Variants in PXDNL observed in about 807,000 individuals in gnomAD.
PXDNL encodes probable oxidoreductase PXDNL.
PXDNL carries 145 observed loss-of-function variants against 150.8 expected under a neutral mutation model. That is an observed-to-expected ratio of 0.96 (90% confidence interval 0.84 to 1.10). The LOEUF is 1.10. Among genes scored for constraint, PXDNL ranks in the 50% least tolerant of loss-of-function variants. The pLI is 0.00. For missense variants in PXDNL, 2,087 were observed against 1,873.9 expected, an observed-to-expected ratio of 1.11 and a Z score of -2.10; for synonymous variants, 757 against 725.7, an observed-to-expected ratio of 1.04 and a Z score of -0.69.
At chr8:51,486,788 A>T (rs1438469649) in intron 5 of PXDNL, among the ~76,000 whole-genome samples, 268 of 23,714 alleles carry the variant, frequency 0.011, 21 homozygotes, top group African/African-American at 0.037. Flanking sequence ...ATATATATAT[A>T]TATATATTTT....
At chr8:51,426,893 C>T (rs1809119760) in intron 12 of PXDNL, 135 bp from the exon 13 acceptor site, 3 of 580,418 alleles carry the variant, frequency 5.2e-6, no homozygotes, top group Non-Finnish European at 9.2e-6. Flanking sequence ...ATTACTTGGA[C>T]GTCTAGGGGA....
At chr8:51,498,011 G>T (rs901064560) in intron 5 of PXDNL, among the ~76,000 whole-genome samples, 35 of 152,066 alleles carry the variant, frequency 2.3e-4, no homozygotes, top group African/African-American at 2.7e-4. Flanking sequence ...ATTCACAATA[G>T]CAAAGACTTG....
At chr8:51,745,694 T>C (rs181270686) in intron 1 of PXDNL, among the ~76,000 whole-genome samples, 1 of 151,694 alleles carries the variant, frequency 6.6e-6, no homozygotes, top group East Asian at 1.9e-4. Flanking sequence ...ACAGGCACCC[T>C]GAGGTCAACC....
In PXDNL at chr8:51,500,104, C is replaced by T. The variant is rs76548858; in HGVS notation, c.381-334G>A. On this transcript the variant is annotated intron_variant, in intron 4 of 22. Coordinates refer to ENST00000356297, the MANE Select transcript of PXDNL (RefSeq NM_144651.5). ...AAAATGTTTAAAGTAAGCAAAGTTA[C>T]GGTAATAATTAAGATTACAAACATA... is the stretch of plus-strand genomic sequence containing the variant. Among the ~76,000 whole-genome samples the T allele has an allele frequency of 4.5e-3, 691 of 152,174 alleles. 4 individuals carry two copies. The highest frequency in any genetic ancestry group is 0.016 in the African/African-American group (658 of 41,522).
chr8:51,406,792 C>T (rs902115971), intron 17 of PXDNL, among the ~76,000 whole-genome samples: 3 of 152,198 alleles, frequency 2.0e-5, no homozygotes, highest in Non-Finnish European at 2.9e-5. Flanking sequence ...CCGGCTCCCC[C>T]GCACGCTGTC....
chr8:51,494,850 T>G (rs1384865227), intron 5 of PXDNL, among the ~76,000 whole-genome samples: 2 of 151,872 alleles, frequency 1.3e-5, no homozygotes, highest in African/African-American at 2.4e-5. Flanking sequence ...AACACCCCAC[T>G]GTCAACATTA....
intron 9 of PXDNL, among the ~76,000 whole-genome samples, chr8:51,455,291 A>C (rs1215938782): frequency 6.6e-6 from 1 of 152,000 alleles, no homozygotes; most frequent in Admixed American, 6.6e-5. Flanking sequence ...TAGAGGGTGA[A>C]TCAGAGGTTA....
intron 1 of PXDNL, among the ~76,000 whole-genome samples, chr8:51,751,878 T>G (rs781757618): frequency 6.6e-6 from 1 of 152,218 alleles, no homozygotes; most frequent in Non-Finnish European, 1.5e-5. Context: ...GTACTTCAAC[T>G]CAGGCATAGA....
intron 3 of PXDNL, among the ~76,000 whole-genome samples, chr8:51,572,818 A>G (rs1231034279): frequency 6.6e-6 from 1 of 151,954 alleles, no homozygotes; most frequent in African/African-American, 2.4e-5. Flanking sequence ...ACACACGCAT[A>G]AAGTAAAAAT....
chr8:51,411,461 A>G, intron 15 of PXDNL, 54 bp from the exon 16 acceptor site: 3 of 1,474,258 alleles, frequency 2.0e-6, no homozygotes, highest in Non-Finnish European at 1.8e-6. Flanking sequence ...AGAGTCCATG[A>G]AGCTTGCAAA....
rs190140992 is a variant in PXDNL, at chr8:51,451,192, G to A, written c.1250-2074C>T. Among the ~76,000 whole-genome samples, 658 of 151,506 alleles carry A rather than the reference G, an allele frequency of 4.3e-3. 3 individuals carry two copies. Among genetic ancestry groups the A allele is most frequent in the African/African-American group, 0.015 (621 of 41,372 alleles). ...AACTTTAATAATAATTAAAGTTCAC[G>A]GTTAGCCAAGTCTGTGTGAAAAGAA... On this transcript the variant is annotated intron_variant, in intron 10 of 22. Transcript: ENST00000356297.
chr8:51,405,743 G>A (rs1808418739), intron 17 of PXDNL, among the ~76,000 whole-genome samples: 1 of 152,198 alleles, frequency 6.6e-6, no homozygotes, highest in Non-Finnish European at 1.5e-5. Flanking sequence ...AAAGGGGAAA[G>A]TCAGGCATCT....
intron 1 of PXDNL, among the ~76,000 whole-genome samples, chr8:51,704,623 C>T (rs1039855970): frequency 1.3e-5 from 2 of 152,196 alleles, no homozygotes; most frequent in African/African-American, 4.8e-5. Flanking sequence ...TCTCATTGCT[C>T]CACATGGATG....
At chr8:51,611,089 T>A (rs748951053) in intron 2 of PXDNL, among the ~76,000 whole-genome samples, 1 of 152,174 alleles carries the variant, frequency 6.6e-6, no homozygotes, top group African/African-American at 2.4e-5. Flanking sequence ...GGGGGTCATC[T>A]TGGAATTTCT....
chr8:51,453,660 C>T lies in PXDNL; in HGVS notation c.1108G>A (p.Glu370Lys). The T allele has an allele frequency of 6.2e-7, 1 of 1,614,008 alleles. No individual in the cohort carries two copies. The highest frequency in any genetic ancestry group is 8.5e-7 in the Non-Finnish European group (1 of 1,179,886). ...LITWTRDNGL[E>K]LDGSRHVATS... Reference sequence around the variant, plus strand: ...GCCACGTGCCTGGATCCATCCAGCTCCAATCCATTGTCCCTGGTCCAAGTG... The same window carrying T: ...GCCACGTGCCTGGATCCATCCAGCTTCAATCCATTGTCCCTGGTCCAAGTG... The change falls in exon 10 of 23, where the codon GAG (glutamate) becomes AAG (lysine). Residue 370 changes from glutamate to lysine, a missense_variant. Coordinates refer to ENST00000356297, the MANE Select transcript of PXDNL (RefSeq NM_144651.5).
chr8:51,740,314 C>T (rs915662383), intron 1 of PXDNL, among the ~76,000 whole-genome samples: 3 of 152,178 alleles, frequency 2.0e-5, no homozygotes, highest in Non-Finnish European at 4.4e-5. Context: ...ATCTTTATAA[C>T]AGAATGATTT....
intron 18 of PXDNL, 128 bp downstream of exon 18, chr8:51,374,469 C>T (rs1216186993): frequency 1.2e-6 from 1 of 830,040 alleles, no homozygotes; most frequent in Non-Finnish European, 1.8e-6. Context: ...TCACCTAATG[C>T]TATCTGATAT....
At chr8:51,465,924 AT>A (rs1193649937) in intron 8 of PXDNL, among the ~76,000 whole-genome samples, 1 of 152,196 alleles carries the variant, frequency 6.6e-6, no homozygotes, top group African/African-American at 2.4e-5. Context: ...AAAGCATTTC[AT>A]GCTCATAAAT....
intron 17 of PXDNL, among the ~76,000 whole-genome samples, chr8:51,398,310 G>C (rs1369177525): frequency 2.0e-5 from 3 of 152,236 alleles, no homozygotes; most frequent in African/African-American, 7.2e-5. Flanking sequence ...GAAGCAGCTG[G>C]GAACAGGTGG....
Sources: gnomAD v4.1 joint callset for allele counts (sites outside exome capture counted in the v4.1 genomes callset) on GRCh38, gnomAD v4.1.1 for gene constraint, MANE v1.5 for transcripts, NCBI Gene and HGNC (gene_info 2026-07-23, HGNC 2026-07-21) for gene names.